Variants in TNN observed in about 807,000 individuals in gnomAD.
The protein encoded by TNN is tenascin-N.
In TNN, 122 loss-of-function variants were observed where a neutral mutation model predicts 134.4. That is an observed-to-expected ratio of 0.91 (90% CI 0.78 to 1.06). TNN has a LOEUF of 1.06. TNN is among the 50% of genes least tolerant of loss of function. The probability of loss-of-function intolerance (pLI) is 0.00; values close to 1 mark genes in which losing one functional copy is unlikely to be tolerated. For synonymous variants in TNN, 710 were observed against 670.3 expected (o/e 1.06, Z -0.91); for missense variants, 1,739 against 1,699.4 (o/e 1.02, Z -0.41).
In TNN at chr1:175,136,970, A is replaced by G. The variant is rs1445182509; in HGVS notation, c.3577A>G (p.Lys1193Glu). Reference protein sequence around the residue: ...SKERYKLTVGKYRGTAGDALT... With the variant: ...SKERYKLTVGEYRGTAGDALT... ...GGAGCGGTATAAGCTGACAGTTGGG[A>G]AATACAGAGGCACGGCAGGTGAGAA... is the stretch of plus-strand genomic sequence containing the variant. The change falls in exon 17 of 19, where the codon AAA (lysine) becomes GAA (glutamate). Residue 1193 changes from lysine (K) to glutamate (E), a missense_variant. Transcript: ENST00000239462. 1 of 1,614,078 alleles carries G rather than the reference A, an allele frequency of 6.2e-7. No homozygotes were observed. Among genetic ancestry groups the G allele is most frequent in the African/African-American group, 1.3e-5 (1 of 75,040 alleles).
chr1:175,093,388 A>T (rs780793084), intron 6 of TNN, among the ~76,000 whole-genome samples: 1 of 152,332 alleles, frequency 6.6e-6, no homozygotes, highest in East Asian at 1.9e-4. Context: ...TAAGCTCCAC[A>T]TTGGTGGGGA....
intron 11 of TNN, among the ~76,000 whole-genome samples, chr1:175,122,703 A>G (rs568447645): frequency 2.6e-4 from 40 of 152,348 alleles, no homozygotes; most frequent in Non-Finnish European, 4.8e-4. Context: ...GATTGATTGG[A>G]GAGTGAGCAG....
At chr1:175,112,247 A>T (rs958861236) in intron 9 of TNN, among the ~76,000 whole-genome samples, 18 of 135,390 alleles carry the variant, frequency 1.3e-4, no homozygotes, top group Admixed American at 7.3e-4. Flanking sequence ...TTGAGATGAT[A>T]TTTTTTTTTA....
chr1:175,073,525 C>T (rs1673966493), intron 1 of TNN, among the ~76,000 whole-genome samples: 1 of 152,180 alleles, frequency 6.6e-6, no homozygotes, highest in Non-Finnish European at 1.5e-5. Context: ...TATTGAGCCT[C>T]AGTCTCTCAT....
rs377647895 is a variant in TNN at position 175,117,287 on chromosome 1, T to C, written c.2386+82T>C. ...CAAGTTTTGTTTTCCTTCTCTGACA[T>C]TGGCAGAAGTCAATGATTAATGGAA... On this transcript the variant is annotated intron_variant, in intron 10 of 18. Transcript: ENST00000239462. The C allele has an allele frequency of 5.7e-6, 9 of 1,588,974 alleles. No homozygotes were observed. The Admixed American group carries it at 1.2e-4, about 20-fold the overall frequency.
At chr1:175,072,106 T>C (rs986436494) in intron 1 of TNN, among the ~76,000 whole-genome samples, 2 of 152,274 alleles carry the variant, frequency 1.3e-5, no homozygotes, top group Admixed American at 6.5e-5. Context: ...AGCAGAAGCA[T>C]AGAGCCCTGC....
Position 175,135,729 on chromosome 1 carries a change from G to A in TNN, c.3331-116G>A. 3.9e-6 allele frequency: 3 copies of A among 763,996 alleles called. No individual in the cohort carries two copies. In the South Asian group the frequency reaches 4.6e-5, roughly 12 times the overall value. The allele number at this position is 763,996 out of a possible 1,614,324, so 47.3% of individuals were successfully genotyped here. On this transcript the variant is annotated intron_variant, in intron 15 of 18. Coordinates refer to ENST00000239462, the MANE Select transcript of TNN (RefSeq NM_022093.2). ...TATAAATAAAAAGCCTCTCTAGAAT[G>A]AAAGGCTTGCTAGCTGGAGGAAGGC...
intron 11 of TNN, among the ~76,000 whole-genome samples, chr1:175,120,374 G>A (rs778051160): frequency 1.3e-5 from 2 of 152,218 alleles, no homozygotes; most frequent in Admixed American, 6.5e-5. Context: ...AGATGGGAAG[G>A]GTGAGTAGTA....
chr1:175,116,873 A>C, intron 9 of TNN, 66 bp from the exon 10 acceptor site: 2 of 1,608,644 alleles, frequency 1.2e-6, no homozygotes, highest in South Asian at 2.2e-5. Context: ...CCACAAGTAA[A>C]ATGCCCAGAT....
chr1:175,123,671 G>C lies in TNN; in HGVS notation c.2914+8G>C. On this transcript the variant is annotated splice_region_variant and intron_variant, in intron 12 of 18. Transcript: ENST00000239462. ...ACACCAAGGCCCAGACAGGTACTGAGAGGGACCAGGCCAGGGGAACACCTC... is the reference window on the plus strand; with the variant it reads ...ACACCAAGGCCCAGACAGGTACTGACAGGGACCAGGCCAGGGGAACACCTC... The C allele has an allele frequency of 6.2e-7, 1 of 1,614,018 alleles. No homozygotes were observed. Among genetic ancestry groups the C allele is most frequent in the Non-Finnish European group, 8.5e-7 (1 of 1,179,906 alleles).
At position 175,126,916 on chromosome 1, in the gene TNN, T is replaced by C. The variant is rs776040309; in HGVS notation, c.2915-39T>C. 1.8e-5 allele frequency: 28 copies of C among 1,581,006 alleles called. 2 individuals are homozygous for C. Among genetic ancestry groups the C allele is most frequent in the South Asian group, 2.3e-5 (2 of 85,200 alleles). On this transcript the variant is annotated intron_variant, in intron 12 of 18. Transcript: ENST00000239462. ...CTCAAAAATTACCTTGCCTCAGTTG[T>C]ATCTTAGTAATAACAATTACCTGAC...
chr1:175,108,727 C>T (rs1410644323), intron 9 of TNN, among the ~76,000 whole-genome samples: 1 of 151,970 alleles, frequency 6.6e-6, no homozygotes, highest in African/African-American at 2.4e-5. Flanking sequence ...TGCCCGGGGC[C>T]AGCAGGGCTG....
chr1:175,134,543 T>G (rs1574176994), intron 15 of TNN, among the ~76,000 whole-genome samples: 1 of 67,338 alleles, frequency 1.5e-5, no homozygotes. Flanking sequence ...AGACTCCATC[T>G]CAAAAAACAA....
intron 10 of TNN, 66 bp from the exon 11 acceptor site, chr1:175,118,495 T>C: frequency 6.3e-7 from 1 of 1,583,892 alleles, no homozygotes; most frequent in South Asian, 1.1e-5. Context: ...CCACGCAAAA[T>C]GACCACCAGT....
chr1:175,074,817 C>G (rs1374874787), intron 1 of TNN, among the ~76,000 whole-genome samples: 1 of 152,206 alleles, frequency 6.6e-6, no homozygotes, highest in Non-Finnish European at 1.5e-5. Context: ...TGCATAGGGA[C>G]ATGTATCTAA....
At chr1:175,114,100 G>GGT (rs1281342965) in intron 9 of TNN, among the ~76,000 whole-genome samples, 4 of 152,052 alleles carry the variant, frequency 2.6e-5, no homozygotes, top group Non-Finnish European at 5.9e-5. Context: ...ATGTTCCTTT[G>GGT]GTGGTGTCAT....
intron 17 of TNN, among the ~76,000 whole-genome samples, chr1:175,142,311 A>C (rs1203439636): frequency 6.6e-6 from 1 of 152,134 alleles, no homozygotes; most frequent in Non-Finnish European, 1.5e-5. Flanking sequence ...GGAGGGGGCA[A>C]ATTAGGACCT....
intron 14 of TNN, 89 bp downstream of exon 14, chr1:175,128,253 A>C: frequency 8.2e-7 from 1 of 1,225,446 alleles, no homozygotes; most frequent in African/African-American, 1.5e-5. Flanking sequence ...GAGCAAGTGG[A>C]TGCAGAACTA....
At chr1:175,103,682 C>CA (rs1674786554) in intron 9 of TNN, among the ~76,000 whole-genome samples, 1 of 143,626 alleles carries the variant, frequency 7.0e-6, no homozygotes, top group Non-Finnish European at 1.5e-5. Context: ...TTTCTGACTC[C>CA]TTTTTTTTGT....
Sources: gnomAD v4.1 joint callset for allele counts (sites outside exome capture counted in the v4.1 genomes callset) on GRCh38, gnomAD v4.1.1 for gene constraint, MANE v1.5 for transcripts, NCBI Gene and HGNC (gene_info 2026-07-23, HGNC 2026-07-21) for gene names.